ITSN1: variants seen among roughly 807,000 people sequenced by gnomAD.
ITSN1 encodes the protein intersectin-1.
A neutral mutation model predicts 239.8 loss-of-function variants in ITSN1; 58 were observed. The ratio of observed to expected loss-of-function variants is 0.24; its 90% CI spans 0.20 to 0.30. The LOEUF is 0.30. ITSN1 is among the 10% of genes least tolerant of loss of function. The pLI, the probability that ITSN1 is intolerant of heterozygous loss-of-function variation, is 1.00. For synonymous variants in ITSN1, 780 were observed against 770.8 expected, an observed-to-expected ratio of 1.01 and a Z score of -0.20; for missense variants, 1,558 against 2,103.3, an observed-to-expected ratio of 0.74 and a Z score of 5.07.
chr21:33,875,443 C>T lies in ITSN1; in HGVS notation c.4263C>T (p.Asn1421=), dbSNP rs374066995. 3.0e-5 allele frequency: 49 copies of T among 1,613,990 alleles called. No homozygotes were observed. Among genetic ancestry groups the T allele is most frequent in the Non-Finnish European group, 3.7e-5 (44 of 1,180,022 alleles). ...EKAEELCSQV[N]EGVREKENSD... ...CGGAAGAGCTCTGTTCCCAGGTGAA[C>T]GAAGGGGTGCGGGAGAAGGAGAACT... Residue 1421 remains asparagine (N), a synonymous_variant, in exon 34 of 40, where the codon AAC becomes AAT. Transcript: ENST00000381318.
intron 27 of ITSN1, among the ~76,000 whole-genome samples, chr21:33,832,588 T>G (rs1388890517): frequency 6.6e-6 from 1 of 152,162 alleles, no homozygotes; most frequent in Non-Finnish European, 1.5e-5. Context: ...GTGAGTTCTG[T>G]GCTGTGCTGC....
chr21:33,661,615 G>T (rs2089561987), intron 1 of ITSN1, among the ~76,000 whole-genome samples: 1 of 152,072 alleles, frequency 6.6e-6, no homozygotes, highest in Admixed American at 6.5e-5. Flanking sequence ...ATATGGTTTG[G>T]CTGTGTCCCC....
chr21:33,823,464 A>T (rs775688102), intron 24 of ITSN1, 23 bp from the exon 25 acceptor site: 1 of 1,605,420 alleles, frequency 6.2e-7, no homozygotes, highest in African/African-American at 1.3e-5. Flanking sequence ...CTCTCTCCGT[A>T]TCTCAATATT....
intron 20 of ITSN1, among the ~76,000 whole-genome samples, chr21:33,805,213 C>T (rs529789533): frequency 4.6e-5 from 7 of 152,170 alleles, no homozygotes; most frequent in Non-Finnish European, 8.8e-5. Flanking sequence ...TAGAAAATAT[C>T]CTCTTAAAAA....
intron 5 of ITSN1, among the ~76,000 whole-genome samples, chr21:33,745,890 C>T (rs1023364782): frequency 6.6e-6 from 1 of 152,076 alleles, no homozygotes; most frequent in Non-Finnish European, 1.5e-5. Flanking sequence ...ACTGCATGCA[C>T]GTATAGAGAA....
At chr21:33,702,472 C>G (rs978603792) in intron 1 of ITSN1, among the ~76,000 whole-genome samples, 8 of 152,122 alleles carry the variant, frequency 5.3e-5, no homozygotes, top group Admixed American at 6.6e-5. Flanking sequence ...AGCACAATGA[C>G]ATACTTGTTT....
intron 29 of ITSN1, 91 bp downstream of exon 29, chr21:33,836,723 C>A: frequency 8.9e-7 from 1 of 1,125,338 alleles, no homozygotes; most frequent in Non-Finnish European, 1.3e-6. Flanking sequence ...GCTTTGTTTG[C>A]AGAACTTAAA....
Position 33,865,893 on chromosome 21 carries a change from G to T in ITSN1, c.4074+559G>T, listed in dbSNP as rs916141861. ...AGTCCACCAGGGGATGTTTGGGGAG[G>T]TAATGCGGATACTGCTGGAAGACCT... On this transcript the variant is annotated intron_variant, in intron 32 of 39. Coordinates refer to ENST00000381318, the MANE Select transcript of ITSN1 (RefSeq NM_003024.3). The surrounding 1 kb of genome is among the most constrained non-coding windows in gnomAD (Gnocchi z 4.4). Among the ~76,000 whole-genome samples, 21 of 152,174 alleles carry T rather than the reference G, an allele frequency of 1.4e-4. No homozygotes were observed. Among genetic ancestry groups the T allele is most frequent in the Non-Finnish European group, 2.9e-4 (20 of 68,040 alleles).
chr21:33,663,665 C>T (rs1191599383), intron 1 of ITSN1, among the ~76,000 whole-genome samples: 5 of 152,092 alleles, frequency 3.3e-5, no homozygotes, highest in East Asian at 1.9e-4. Flanking sequence ...TGCAATGGCA[C>T]GATCTCGGCT....
At chr21:33,863,080 G>A (rs550454555) in intron 31 of ITSN1, among the ~76,000 whole-genome samples, 7 of 152,324 alleles carry the variant, frequency 4.6e-5, no homozygotes, top group African/African-American at 1.7e-4. Context: ...TGCAGCAGCC[G>A]AGTCACATGA....
chr21:33,671,447 C>T lies in ITSN1; in HGVS notation c.-33+28734C>T, dbSNP rs147189947. On this transcript the variant is annotated intron_variant, in intron 1 of 39. Transcript: ENST00000381318. ...GATTACAGGCGCCGGCCACCACGCC[C>T]GACTAATTTTGTATTTTTAGTAGAC... Among the ~76,000 whole-genome samples, 416 of 151,878 alleles carry T rather than the reference C, an allele frequency of 2.7e-3. 2 individuals are homozygous for T. The highest frequency in any genetic ancestry group is 9.6e-3 in the African/African-American group (396 of 41,440).
intron 5 of ITSN1, among the ~76,000 whole-genome samples, chr21:33,736,862 A>G (rs2066534405): frequency 6.6e-6 from 1 of 152,142 alleles, no homozygotes; most frequent in Non-Finnish European, 1.5e-5. Flanking sequence ...GTGGGTGCCT[A>G]TAGTCCCAGC....
chr21:33,691,096 C>G (rs1003872823), intron 1 of ITSN1, among the ~76,000 whole-genome samples: 1 of 151,806 alleles, frequency 6.6e-6, no homozygotes, highest in Non-Finnish European at 1.5e-5. Flanking sequence ...GTTCTTTGGC[C>G]TGCTCTGCGG....
chr21:33,772,388 A>G, intron 12 of ITSN1, 65 bp downstream of exon 12: 7 of 1,521,054 alleles, frequency 4.6e-6, no homozygotes, highest in South Asian at 3.7e-5. Flanking sequence ...GAATTATCCA[A>G]GTGATCTATT....
chr21:33,796,304 A>C (rs878984415), intron 17 of ITSN1, among the ~76,000 whole-genome samples: 5 of 152,264 alleles, frequency 3.3e-5, no homozygotes, highest in Admixed American at 3.3e-4. Flanking sequence ...GTTGTCATGA[A>C]TAACCATATC....
intron 6 of ITSN1, 116 bp from the exon 7 acceptor site, chr21:33,751,694 A>G: frequency 1.3e-6 from 1 of 762,086 alleles, no homozygotes; most frequent in Admixed American, 2.4e-5. Context: ...CTAGGCTGGC[A>G]AGAAGGGGGA....
intron 29 of ITSN1, among the ~76,000 whole-genome samples, chr21:33,841,180 G>T (rs915772966): frequency 6.6e-6 from 1 of 152,192 alleles, no homozygotes; most frequent in African/African-American, 2.4e-5. Context: ...TTCTGGAAAG[G>T]AATCTGGGCA....
At chr21:33,843,676 C>G (rs977248289) in intron 29 of ITSN1, among the ~76,000 whole-genome samples, 1 of 152,198 alleles carries the variant, frequency 6.6e-6, no homozygotes, top group African/African-American at 2.4e-5. Context: ...GATAGTGATT[C>G]AGACGGAGCA....
At chr21:33,694,594 G>A (rs181459721) in intron 1 of ITSN1, among the ~76,000 whole-genome samples, 52 of 152,220 alleles carry the variant, frequency 3.4e-4, no homozygotes, top group Admixed American at 9.8e-4. Flanking sequence ...GCCGAGGCGG[G>A]CAGATCACCT....
Sources: allele counts gnomAD v4.1 joint callset (sites outside exome capture counted in the v4.1 genomes callset), GRCh38; gene constraint gnomAD v4.1.1; non-coding constraint Gnocchi (gnomAD v3.1); transcripts MANE v1.5; gene names NCBI Gene and HGNC (gene_info 2026-07-23, HGNC 2026-07-21).